ZNF423: variants seen among roughly 807,000 people sequenced by gnomAD.
The protein encoded by ZNF423 is zinc finger protein 423, also known as Ebf-associated zinc finger protein.
A neutral mutation model predicts 95.8 loss-of-function variants in ZNF423; 12 were observed. The ratio of observed to expected loss-of-function variants is 0.13; its 90% confidence interval spans 0.08 to 0.20. The LOEUF (loss-of-function observed/expected upper bound fraction) is 0.20. Among genes scored for constraint, ZNF423 ranks in the 10% least tolerant of loss-of-function variants. The probability of loss-of-function intolerance (pLI) is 1.00; values close to 1 mark genes in which losing one functional copy is unlikely to be tolerated. For synonymous variants in ZNF423, 749 were observed against 711.9 expected (o/e 1.05, Z -0.83); for missense variants, 1,316 against 1,737.1 (o/e 0.76, Z 4.31).
At chr16:49,703,836 A>G (rs1596884984) in intron 3 of ZNF423, among the ~76,000 whole-genome samples, 1 of 152,300 alleles carries the variant, frequency 6.6e-6, no homozygotes, top group African/African-American at 2.4e-5. Context: ...CAGCTCCTCT[A>G]TGCCCCACCC....
intron 5 of ZNF423, 87 bp downstream of exon 5, chr16:49,626,083 T>G: frequency 7.4e-7 from 1 of 1,350,244 alleles, no homozygotes; most frequent in South Asian, 1.2e-5. Context: ...TCCTTTGGCC[T>G]AAAAGCCAGT....
chr16:49,853,612 T>C, intron 1 of ZNF423: 20 of 985,062 alleles, frequency 2.0e-5, no homozygotes, highest in Non-Finnish European at 2.4e-5. Flanking sequence ...GCTGCCTTTC[T>C]CCTACCAACC....
At chr16:49,571,436 T>A (rs1970351748) in intron 5 of ZNF423, among the ~76,000 whole-genome samples, 1 of 151,976 alleles carries the variant, frequency 6.6e-6, no homozygotes, top group East Asian at 1.9e-4. Context: ...GGCCTGTGTC[T>A]TGGCAGGTCT....
chr16:49,817,446 C>G (rs1477674095), intron 1 of ZNF423, among the ~76,000 whole-genome samples: 2 of 152,134 alleles, frequency 1.3e-5, no homozygotes, highest in African/African-American at 2.4e-5. Context: ...TGGAAAGGGC[C>G]CCTGAGATTA....
intron 5 of ZNF423, among the ~76,000 whole-genome samples, chr16:49,549,786 C>T (rs1206124687): frequency 2.6e-5 from 4 of 152,168 alleles, no homozygotes; most frequent in Admixed American, 2.6e-4. Flanking sequence ...ATCAACCCAG[C>T]CAGTGAACTA....
At chr16:49,814,279 TG>T (rs1329457837) in intron 1 of ZNF423, among the ~76,000 whole-genome samples, 1 of 151,896 alleles carries the variant, frequency 6.6e-6, no homozygotes, top group Non-Finnish European at 1.5e-5. Flanking sequence ...CCGTGGGCTC[TG>T]GGGGGTGGGG....
At chr16:49,720,099 T>C (rs2032822878) in intron 3 of ZNF423, among the ~76,000 whole-genome samples, 1 of 152,298 alleles carries the variant, frequency 6.6e-6, no homozygotes, top group East Asian at 1.9e-4. Context: ...CCCAGAGCAC[T>C]GCCCCCAAAG....
chr16:49,732,846 G>A (rs2033200492), intron 2 of ZNF423, among the ~76,000 whole-genome samples: 1 of 152,236 alleles, frequency 6.6e-6, no homozygotes, highest in East Asian at 1.9e-4. Flanking sequence ...AGAGCCAGCT[G>A]CTTCCTTCCA....
chr16:49,524,054 A>G (rs1487671338), intron 6 of ZNF423, among the ~76,000 whole-genome samples: 2 of 152,298 alleles, frequency 1.3e-5, no homozygotes, highest in Admixed American at 6.5e-5. Context: ...ATATTGATAA[A>G]GTGCTTAAAA....
intron 3 of ZNF423, among the ~76,000 whole-genome samples, chr16:49,715,855 TAG>T (rs2143195459): frequency 6.6e-6 from 1 of 150,918 alleles, no homozygotes; most frequent in South Asian, 2.1e-4. Context: ...CTGGGCAGCA[TAG>T]AGAGACCCCA....
intron 5 of ZNF423, among the ~76,000 whole-genome samples, chr16:49,621,306 G>T (rs1416009880): frequency 6.6e-6 from 1 of 152,160 alleles, no homozygotes; most frequent in African/African-American, 2.4e-5. Flanking sequence ...GCGGAGGGGG[G>T]ATTTCAAAGG....
intron 5 of ZNF423, among the ~76,000 whole-genome samples, chr16:49,593,922 T>C (rs1204560795): frequency 6.6e-6 from 1 of 152,156 alleles, no homozygotes; most frequent in Non-Finnish European, 1.5e-5. Flanking sequence ...AAGAGGCTCC[T>C]CCTGGCCCCC....
intron 3 of ZNF423, among the ~76,000 whole-genome samples, chr16:49,685,883 G>A (rs1415696532): frequency 1.3e-5 from 2 of 152,054 alleles, no homozygotes; most frequent in Admixed American, 6.6e-5. Context: ...GGCTCACCAC[G>A]CTCCCCCATG....
intron 3 of ZNF423, among the ~76,000 whole-genome samples, chr16:49,669,375 T>C (rs533735111): frequency 6.7e-6 from 1 of 150,292 alleles, no homozygotes; most frequent in African/African-American, 2.4e-5. Context: ...GAAAAAAAAA[T>C]CCATCTCATC....
intron 1 of ZNF423, among the ~76,000 whole-genome samples, chr16:49,823,929 C>CA (rs201668339): frequency 1.6e-4 from 24 of 149,736 alleles, no homozygotes; most frequent in African/African-American, 3.7e-4. Context: ...GACCTCTCTA[C>CA]AAAAAAAAAT....
At chr16:49,581,163 T>TG (rs35301657) in intron 5 of ZNF423, among the ~76,000 whole-genome samples, 38,248 of 152,054 alleles carry the variant, frequency 0.25, 4,970 homozygotes, top group East Asian at 0.42. Flanking sequence ...CCCACTGATG[T>TG]GGGCTTACTC....
chr16:49,755,572 G>A (rs540189134), intron 2 of ZNF423, among the ~76,000 whole-genome samples: 1 of 152,280 alleles, frequency 6.6e-6, no homozygotes, highest in South Asian at 2.1e-4. Flanking sequence ...AGCCTGTGAC[G>A]AGTTGAGTTG....
chr16:49,705,118 A>G (rs891899646), intron 3 of ZNF423, among the ~76,000 whole-genome samples: 8 of 152,138 alleles, frequency 5.3e-5, no homozygotes, highest in Non-Finnish European at 8.8e-5. Context: ...GGCACTTGGG[A>G]TGGGAGAATA....
chr16:49,618,641 CT>C (rs1971958114), intron 5 of ZNF423, among the ~76,000 whole-genome samples: 1 of 152,150 alleles, frequency 6.6e-6, no homozygotes, highest in African/African-American at 2.4e-5. Context: ...TCAATTAAAC[CT>C]TTTTCTTTTA....
Sources: gnomAD v4.1 joint callset for allele counts (sites outside exome capture counted in the v4.1 genomes callset) on GRCh38, gnomAD v4.1.1 for gene constraint, MANE v1.5 for transcripts, NCBI Gene and HGNC (gene_info 2026-07-23, HGNC 2026-07-21) for gene names.